Variants in AFG2A observed in about 807,000 individuals in gnomAD.
The protein encoded by AFG2A is AAA ATPase AFG2A, also known as ATPase family gene 2 protein homolog A.
chr4:123,156,156 G>T, the AFG2A span, among the ~76,000 whole-genome samples: 4 of 152,076 alleles, frequency 2.6e-5, no homozygotes, highest in East Asian at 1.9e-4. Context: ...CTTAAGTTAG[G>T]ACTCTCAGCT....
the AFG2A span, among the ~76,000 whole-genome samples, chr4:123,210,421 A>G: frequency 1.3e-5 from 2 of 152,188 alleles, no homozygotes; most frequent in African/African-American, 2.4e-5. Context: ...CACTCCACAT[A>G]TAAGTGAGAT....
the AFG2A span, among the ~76,000 whole-genome samples, chr4:123,189,250 A>G: frequency 6.6e-6 from 1 of 152,170 alleles, no homozygotes; most frequent in Non-Finnish European, 1.5e-5. Flanking sequence ...CCTGCCTTTT[A>G]TAGGAACTCT....
the AFG2A span, among the ~76,000 whole-genome samples, chr4:123,025,021 C>T: frequency 7.2e-5 from 11 of 152,234 alleles, no homozygotes; most frequent in Admixed American, 3.3e-4. Context: ...AGGACAAGGG[C>T]ATCCTGTTTC....
chr4:123,230,436 A>G, the AFG2A span, among the ~76,000 whole-genome samples: 1 of 151,902 alleles, frequency 6.6e-6, no homozygotes, highest in Non-Finnish European at 1.5e-5. Context: ...ATTCAGTCAT[A>G]ATTTCAGGCT....
chr4:122,976,284 C>T, the AFG2A span, among the ~76,000 whole-genome samples: 1 of 152,184 alleles, frequency 6.6e-6, no homozygotes, highest in African/African-American at 2.4e-5. Context: ...GTCTTCTAGA[C>T]TAAAGGTCGT....
chr4:123,261,315 C>T, the AFG2A span, among the ~76,000 whole-genome samples: 1 of 152,074 alleles, frequency 6.6e-6, no homozygotes, highest in Admixed American at 6.6e-5. Context: ...ATCTGTGCCC[C>T]AGAATTTCAA....
At chr4:123,248,470 A>G in the AFG2A span, among the ~76,000 whole-genome samples, 5 of 152,216 alleles carry the variant, frequency 3.3e-5, no homozygotes, top group Non-Finnish European at 7.3e-5. Flanking sequence ...ATACAGCAAC[A>G]TTTTCAAAAG....
chr4:123,240,290 T>C, the AFG2A span, among the ~76,000 whole-genome samples: 1 of 152,178 alleles, frequency 6.6e-6, no homozygotes, highest in Non-Finnish European at 1.5e-5. Context: ...TTAATAGATA[T>C]CTACAGAACT....
chr4:123,295,791 A>G, the AFG2A span, among the ~76,000 whole-genome samples: 2 of 152,246 alleles, frequency 1.3e-5, no homozygotes, highest in African/African-American at 2.4e-5. Context: ...GCGTGCCTGT[A>G]GTCCCAGCTA....
the AFG2A span, among the ~76,000 whole-genome samples, chr4:122,927,332 TCTC>T: frequency 6.9e-6 from 1 of 145,742 alleles, no homozygotes; most frequent in Non-Finnish European, 1.6e-5. Flanking sequence ...GCTCAGAGAC[TCTC>T]TTTTGCAATT....
At chr4:122,991,223 A>G in the AFG2A span, among the ~76,000 whole-genome samples, 1 of 152,148 alleles carries the variant, frequency 6.6e-6, no homozygotes, top group Non-Finnish European at 1.5e-5. Context: ...GCAGGCTTTA[A>G]GTCTGTGCCT....
the AFG2A span, among the ~76,000 whole-genome samples, chr4:122,974,805 T>C: frequency 6.6e-6 from 1 of 151,888 alleles, no homozygotes; most frequent in Non-Finnish European, 1.5e-5. Context: ...CACACCCGGC[T>C]AATTTTGTAT....
chr4:123,186,329 C>T, the AFG2A span, among the ~76,000 whole-genome samples: 2 of 152,038 alleles, frequency 1.3e-5, no homozygotes, highest in African/African-American at 4.8e-5. Flanking sequence ...TAATTAGAAT[C>T]CCAGCAATGG....
At chr4:122,928,280 G>A in the AFG2A span, among the ~76,000 whole-genome samples, 1 of 152,116 alleles carries the variant, frequency 6.6e-6, no homozygotes. Flanking sequence ...TGTTTCAGCT[G>A]TTTCTCCTTG....
chr4:123,307,048 A>G, the AFG2A span, among the ~76,000 whole-genome samples: 2 of 152,334 alleles, frequency 1.3e-5, no homozygotes, highest in Admixed American at 1.3e-4. Flanking sequence ...TTAACATTCC[A>G]GACAGTCTGT....
At chr4:123,156,351 C>T in the AFG2A span, among the ~76,000 whole-genome samples, 2,114 of 152,168 alleles carry the variant, frequency 0.014, 55 homozygotes, top group African/African-American at 0.049. Flanking sequence ...CTTCACATTA[C>T]GTACGTAACC....
the AFG2A span, among the ~76,000 whole-genome samples, chr4:123,191,853 A>G: frequency 2.0e-5 from 3 of 152,186 alleles, no homozygotes; most frequent in East Asian, 3.9e-4. Context: ...ATGTTCACAC[A>G]TATCCTCTCC....
At chr4:123,078,793 T>C in the AFG2A span, among the ~76,000 whole-genome samples, 3 of 152,138 alleles carry the variant, frequency 2.0e-5, no homozygotes, top group Admixed American at 6.5e-5. Context: ...TGGTTACCCA[T>C]GGGTAATCTA....
At chr4:123,104,634 A>G in the AFG2A span, among the ~76,000 whole-genome samples, 1 of 152,258 alleles carries the variant, frequency 6.6e-6, no homozygotes, top group Non-Finnish European at 1.5e-5. Context: ...AAGGAAATTA[A>G]AAGTGCTACT....
Sources: allele counts gnomAD v4.1 joint callset (sites outside exome capture counted in the v4.1 genomes callset), GRCh38; gene constraint gnomAD v4.1.1; transcripts MANE v1.5; gene names NCBI Gene and HGNC (gene_info 2026-07-23, HGNC 2026-07-21).